The following RALYL variants were observed in gnomAD, a reference collection of about 807,000 sequenced individuals.
RALYL encodes RNA-binding Raly-like protein.
Under a neutral mutation model 35.1 loss-of-function variants are expected in RALYL, and 29 were observed. The ratio of observed to expected loss-of-function variants is 0.83; its 90% CI spans 0.61 to 1.13. The LOEUF (loss-of-function observed/expected upper bound fraction) is 1.13. RALYL is among the 50% of genes most tolerant of loss of function. The probability of loss-of-function intolerance (pLI) is 0.00; values close to 1 mark genes in which losing one functional copy is unlikely to be tolerated. For synonymous variants in RALYL, 120 were observed against 127.6 expected (o/e 0.94, Z 0.40); for missense variants, 359 against 360.4 (o/e 1.00, Z 0.03).
At chr8:84,366,149 G>C (rs1586630761) in intron 1 of RALYL, among the ~76,000 whole-genome samples, 1 of 152,154 alleles carries the variant, frequency 6.6e-6, no homozygotes, top group African/African-American at 2.4e-5. Flanking sequence ...AGATTCTGCT[G>C]TGGAAGGGAG....
rs527505184 is a variant in RALYL at position 84,753,286 on chromosome 8, A to G, written c.257-21293A>G. Among the ~76,000 whole-genome samples, 300 of 152,254 alleles carry G rather than the reference A, an allele frequency of 2.0e-3. 3 individuals carry two copies. Among genetic ancestry groups the G allele is most frequent in the African/African-American group, 6.9e-3 (287 of 41,556 alleles). ...TACCCAACTCTTGTAACTCCATTGT[A>G]CTTTGAAAGTATCTAACTTGATCTT... On this transcript the variant is annotated intron_variant, in intron 2 of 8. Coordinates refer to ENST00000521268, the MANE Select transcript of RALYL (RefSeq NM_173848.7).
chr8:84,392,540 CTG>C lies in RALYL; in HGVS notation c.-23-136757_-23-136756del, dbSNP rs150741461. Reference sequence around the variant, plus strand: ...ATTTAAAATATTTAAAAATACATCTCTGTATGTGGAATTTTAGAAAGTATTAA... The same window carrying C: ...ATTTAAAATATTTAAAAATACATCTCTATGTGGAATTTTAGAAAGTATTAA... On this transcript the variant is annotated intron_variant, in intron 1 of 8. Coordinates refer to ENST00000521268, the MANE Select transcript of RALYL (RefSeq NM_173848.7). Among the ~76,000 whole-genome samples the C allele has an allele frequency of 4.6e-3, 698 of 152,066 alleles. 2 individuals carry two copies. Among genetic ancestry groups the C allele is most frequent in the Non-Finnish European group, 8.8e-3 (600 of 67,960 alleles).
At chr8:84,564,023 A>G (rs1441716258) in intron 2 of RALYL, among the ~76,000 whole-genome samples, 2 of 151,748 alleles carry the variant, frequency 1.3e-5, no homozygotes, top group Admixed American at 1.3e-4. Context: ...ACAAAAAGAA[A>G]CAATTTCTTC....
At chr8:84,342,384 A>G (rs1007152598) in intron 1 of RALYL, among the ~76,000 whole-genome samples, 5 of 147,126 alleles carry the variant, frequency 3.4e-5, no homozygotes, top group African/African-American at 1.3e-4. Flanking sequence ...GCATCAGCAC[A>G]GTCCACCATA....
At chr8:84,347,657 C>T (rs140506659) in intron 1 of RALYL, among the ~76,000 whole-genome samples, 282 of 152,148 alleles carry the variant, frequency 1.9e-3, no homozygotes, top group Middle Eastern at 0.01. Context: ...GACATAAGTC[C>T]CTAATGTCTA....
intron 2 of RALYL, among the ~76,000 whole-genome samples, chr8:84,647,503 C>A (rs1827745270): frequency 6.6e-6 from 1 of 151,998 alleles, no homozygotes; most frequent in Non-Finnish European, 1.5e-5. Flanking sequence ...GTTCTTTTCA[C>A]AACATAATGT....
At chr8:84,345,639 C>T (rs1849700432) in intron 1 of RALYL, among the ~76,000 whole-genome samples, 1 of 152,124 alleles carries the variant, frequency 6.6e-6, no homozygotes, top group South Asian at 2.1e-4. Flanking sequence ...CCAGCATCTC[C>T]CTCTCATTTT....
At chr8:84,807,526 A>T (rs1824936064) in intron 4 of RALYL, among the ~76,000 whole-genome samples, 1 of 152,170 alleles carries the variant, frequency 6.6e-6, no homozygotes, top group African/African-American at 2.4e-5. Context: ...CTCTGGGTGG[A>T]TACCCAGAGT....
At chr8:84,894,909 A>T (rs1362002010) in intron 8 of RALYL, among the ~76,000 whole-genome samples, 1 of 152,188 alleles carries the variant, frequency 6.6e-6, no homozygotes, top group Non-Finnish European at 1.5e-5. Flanking sequence ...AGTCTGACAG[A>T]AGCATATTCA....
chr8:84,669,639 C>T (rs974576051), intron 2 of RALYL, among the ~76,000 whole-genome samples: 1 of 151,976 alleles, frequency 6.6e-6, no homozygotes, highest in East Asian at 1.9e-4. Context: ...TGGAGCTGAG[C>T]ATGCTGTTGA....
chr8:84,676,855 T>G (rs1200797485), intron 2 of RALYL, among the ~76,000 whole-genome samples: 1 of 152,210 alleles, frequency 6.6e-6, no homozygotes, highest in African/African-American at 2.4e-5. Context: ...CAGGCTGGAA[T>G]GCAGTGGCCT....
At chr8:84,478,233 A>G (rs1375387881) in intron 1 of RALYL, among the ~76,000 whole-genome samples, 2 of 152,158 alleles carry the variant, frequency 1.3e-5, no homozygotes, top group African/African-American at 2.4e-5. Flanking sequence ...AAATCCACCT[A>G]TATATCTATT....
At chr8:84,311,317 T>C (rs1477959729) in intron 1 of RALYL, among the ~76,000 whole-genome samples, 2 of 151,880 alleles carry the variant, frequency 1.3e-5, no homozygotes, top group African/African-American at 2.4e-5. Context: ...AAGTATAAAA[T>C]TGAGAATGTT....
intron 3 of RALYL, among the ~76,000 whole-genome samples, chr8:84,803,150 C>A (rs923377870): frequency 5.9e-5 from 9 of 152,136 alleles, no homozygotes; most frequent in Non-Finnish European, 1.0e-4. Flanking sequence ...ACACTAATGT[C>A]TGATAAATGT....
At chr8:84,331,573 A>G (rs1292446549) in intron 1 of RALYL, among the ~76,000 whole-genome samples, 2 of 152,126 alleles carry the variant, frequency 1.3e-5, no homozygotes, top group African/African-American at 4.8e-5. Context: ...GTGTTGGTCT[A>G]TGCTCATAGC....
chr8:84,343,105 A>G (rs1849166333), intron 1 of RALYL, among the ~76,000 whole-genome samples: 2 of 152,100 alleles, frequency 1.3e-5, no homozygotes, highest in Non-Finnish European at 2.9e-5. Flanking sequence ...TCAAAGGAGT[A>G]TATTTTAAAG....
chr8:84,275,291 C>T (rs1242867131), intron 1 of RALYL, among the ~76,000 whole-genome samples: 2 of 151,984 alleles, frequency 1.3e-5, no homozygotes, highest in Non-Finnish European at 1.5e-5. Context: ...TGTAATCTAA[C>T]TTGTTGGTAT....
At chr8:84,452,001 A>G (rs180950473) in intron 1 of RALYL, among the ~76,000 whole-genome samples, 1 of 152,118 alleles carries the variant, frequency 6.6e-6, no homozygotes, top group East Asian at 1.9e-4. Context: ...GCTGATGTTT[A>G]TTACAGACCA....
chr8:84,774,803 T>C, intron 3 of RALYL, 149 bp downstream of exon 3: 1 of 628,514 alleles, frequency 1.6e-6, no homozygotes, highest in Middle Eastern at 2.8e-4. Flanking sequence ...AACATATAAA[T>C]ATATCTTGCT....
Sources: gnomAD v4.1 joint callset for allele counts (sites outside exome capture counted in the v4.1 genomes callset) on GRCh38, gnomAD v4.1.1 for gene constraint, MANE v1.5 for transcripts, NCBI Gene and HGNC (gene_info 2026-07-23, HGNC 2026-07-21) for gene names.